The following CNPPD1 variants were observed in gnomAD, a reference collection of about 807,000 sequenced individuals.
The protein encoded by CNPPD1 is protein CNPPD1.
In CNPPD1, 40 loss-of-function variants were observed where a neutral mutation model predicts 43.7. The ratio of observed to expected loss-of-function variants is 0.92; its 90% confidence interval spans 0.71 to 1.19. CNPPD1 has a LOEUF of 1.19. Ranked by LOEUF, CNPPD1 falls within the 50% of genes most tolerant of loss-of-function variation. The pLI is 0.00. For missense variants in CNPPD1, 511 were observed against 518.5 expected (o/e 0.99, Z 0.14); for synonymous variants, 208 against 214.3 (o/e 0.97, Z 0.26).
intron 5 of CNPPD1, 33 bp downstream of exon 5, chr2:219,174,745 G>A (rs2106386984): frequency 1.3e-6 from 2 of 1,547,222 alleles, no homozygotes; most frequent in Non-Finnish European, 1.7e-6. Flanking sequence ...GATGGGCCAG[G>A]GAAACTGAGC....
Position 219,173,034 on chromosome 2 carries a change from A to G in CNPPD1, c.785T>C (p.Ile262Thr), listed in dbSNP as rs1043160. The G allele has an allele frequency of 0.58, 931,550 of 1,612,714 alleles. 276,417 individuals are homozygous for G. The highest frequency in any genetic ancestry group is 0.61 in the Non-Finnish European group (722,165 of 1,179,852). Residue 262 changes from isoleucine (I) to threonine (T), a missense_variant, in exon 8 of 8, where the codon ATC (isoleucine) becomes ACC (threonine). Coordinates refer to ENST00000360507, the MANE Select transcript of CNPPD1 (RefSeq NM_015680.6). Reference sequence around the variant, plus strand: ...AAGGTCAGGCGGCCCAGGTGTAGGGATGCAGGACAGCCCCAAAGACTGATG... The same window carrying G: ...AAGGTCAGGCGGCCCAGGTGTAGGGGTGCAGGACAGCCCCAAAGACTGATG... ...VIHQSLGLSC[I>T]PTPGPPDLGL...
Position 219,174,971 on chromosome 2 carries a change from G to A in CNPPD1, c.381+17C>T, listed in dbSNP as rs779954921. 3 of 1,614,166 alleles carry A rather than the reference G, an allele frequency of 1.9e-6. No individual in the cohort carries two copies. Among genetic ancestry groups the A allele is most frequent in the South Asian group, 2.2e-5 (2 of 91,080 alleles). ...AGGCTCTTGGCTCTTTAGGGAGATG[G>A]GGAGGGGGTGTCTTACCATGGAGAT... On this transcript the variant is annotated intron_variant, in intron 4 of 7. Coordinates refer to ENST00000360507, the MANE Select transcript of CNPPD1 (RefSeq NM_015680.6).
rs1026336989 is a variant in CNPPD1 at position 219,172,173 on chromosome 2, G to A, written c.*413C>T. The stretch of plus-strand genomic sequence containing the variant: ...CTCCCACCTGAACCCATCAGTCCCC[G>A]GCTCTTCTGCCTCAGGGACATCACA... On this transcript the variant is annotated 3_prime_UTR_variant, in exon 8 of 8. Transcript: ENST00000360507. The A allele has an allele frequency of 1.4e-4, 32 of 230,860 alleles. No individual in the cohort carries two copies. Among genetic ancestry groups the A allele is most frequent in the Non-Finnish European group, 1.3e-4 (15 of 115,926 alleles). 14.3% of individuals were successfully genotyped at this position (230,860 alleles called of 1,614,324 possible). A position where few individuals can be genotyped will look rare whatever the true frequency, so the allele number is the denominator to read the frequency against.
chr2:219,177,905 A>C (rs10193576), upstream of CNPPD1: 74,136 of 152,332 alleles, frequency 0.49, 19,602 homozygotes, highest in Non-Finnish European at 0.6. Context: ...TTGGTTGAGT[A>C]ATGGGACGGC....
Position 219,176,811 on chromosome 2 carries a change from G to A in CNPPD1, c.18C>T (p.Leu6=). 6.3e-7 allele frequency: 1 copy of A among 1,581,910 alleles called. No individual in the cohort carries two copies. The change falls in exon 1 of 8, where the codon CTC becomes CTT. Residue 6 remains leucine (L), a synonymous_variant. Coordinates refer to ENST00000360507, the MANE Select transcript of CNPPD1 (RefSeq NM_015680.6). ...AGAAGGTGCCTTCTTCGTCCAGCAG[G>A]AGCCCGGTCAGGTCCATCGCGCCGC... The part of the protein sequence containing the change: MDLTG[L]LLDEEGTFSL...
At chr2:219,173,888 A>C (rs1950116763) in intron 6 of CNPPD1, among the ~76,000 whole-genome samples, 1 of 152,088 alleles carries the variant, frequency 6.6e-6, no homozygotes, top group African/African-American at 2.4e-5. Flanking sequence ...GTAATCCTCC[A>C]GCCTCACCCT....
At chr2:219,177,925 T>A (rs1950203765), upstream of CNPPD1, 1 of 152,748 alleles carries the variant, frequency 6.5e-6, no homozygotes, top group Non-Finnish European at 1.5e-5. Context: ...CCACCGCCCT[T>A]CCCGAGCGAG....
At position 219,176,758 on chromosome 2, in the gene CNPPD1, A is replaced by AGG; in HGVS notation, c.69+1_69+2insCC. On this transcript the variant is annotated splice_donor_variant, in intron 1 of 7. Coordinates refer to ENST00000360507, the MANE Select transcript of CNPPD1 (RefSeq NM_015680.6). LOFTEE classifies it high-confidence loss of function. The stretch of plus-strand genomic sequence containing the variant: ...CGGGGAGGGGGCGGGACCCCCACTC[A>AGG]CCGTGAAGTCCTGGAAGCCGGCGAG... 6.4e-7 allele frequency: 1 copy of AGG among 1,572,784 alleles called. No homozygotes were observed. The highest frequency in any genetic ancestry group is 2.3e-5 in the East Asian group (1 of 42,566).
At chr2:219,177,097 C>T (rs1345418833), upstream of CNPPD1, 4 of 391,440 alleles carry the variant, frequency 1.0e-5, no homozygotes, top group African/African-American at 2.1e-5. Context: ...GTCCGTGCGA[C>T]GCTCACCTCG....
In CNPPD1 at chr2:219,172,594, G is replaced by A. The variant is rs1559213098; in HGVS notation, c.1225C>T (p.Pro409Ser). 3 of 1,614,178 alleles carry A rather than the reference G, an allele frequency of 1.9e-6. No individual in the cohort carries two copies. The highest frequency in any genetic ancestry group is 2.5e-6 in the Non-Finnish European group (3 of 1,180,032). Residue 409 changes from proline (P) to serine (S), a missense_variant, in exon 8 of 8, where the codon CCA (proline) becomes TCA (serine). Pro to Ser is a moderately conservative substitution (Grantham distance 74, BLOSUM62 -1). Coordinates refer to ENST00000360507, the MANE Select transcript of CNPPD1 (RefSeq NM_015680.6). ...ELARLKSFVF[P>S]G Reference sequence around the variant, plus strand: ...ATTCCTCACAGCCCTACCTAGCCTGGGAAAACGAAAGACTTGAGGCGAGCC... The same window carrying A: ...ATTCCTCACAGCCCTACCTAGCCTGAGAAAACGAAAGACTTGAGGCGAGCC...
rs935859894 is a variant in CNPPD1 at position 219,176,743 on chromosome 2, G to A, written c.69+17C>T. ...GGCGCGCCGGGAGGCCGGGGAGGGG[G>A]CGGGACCCCCACTCACCGTGAAGTC... is the stretch of plus-strand genomic sequence containing the variant. On this transcript the variant is annotated intron_variant, in intron 1 of 7. Coordinates refer to ENST00000360507, the MANE Select transcript of CNPPD1 (RefSeq NM_015680.6). The A allele has an allele frequency of 9.0e-6, 14 of 1,555,456 alleles. No homozygotes were observed. The highest frequency in any genetic ancestry group is 1.9e-5 in the Admixed American group (1 of 52,554).
In CNPPD1 at chr2:219,176,231, G is replaced by A. The variant is rs201580205; in HGVS notation, c.170C>T (p.Pro57Leu). 5 of 1,612,188 alleles carry A rather than the reference G, an allele frequency of 3.1e-6. No homozygotes were observed. The highest frequency in any genetic ancestry group is 2.2e-5 in the East Asian group (1 of 44,860). The change falls in exon 2 of 8, where the codon CCG (proline) becomes CTG (leucine). Residue 57 changes from proline (P) to leucine (L), a missense_variant. Pro to Leu is a moderately conservative substitution (Grantham distance 98). Transcript: ENST00000360507. ...ACACAACACTGCCTAACCTGCCACC[G>A]GGCTGGAGAGCTCCTCCAGGCTACA... ...ADCSLEELSS[P>L]VADIAVELLQ...
chr2:219,176,953 G>A (rs923246490), upstream of CNPPD1: 10 of 726,512 alleles, frequency 1.4e-5, no homozygotes, highest in African/African-American at 1.1e-4. Context: ...CGCCGTCCTC[G>A]CCCTCGCCCT....
At chr2:219,175,380 C>T (rs577733888) in intron 3 of CNPPD1, among the ~76,000 whole-genome samples, 72 of 151,898 alleles carry the variant, frequency 4.7e-4, no homozygotes, top group African/African-American at 1.6e-3. Context: ...GCCTGTAGTC[C>T]CAGCTACTGG....
At position 219,173,745 on chromosome 2, in the gene CNPPD1, T is replaced by C. The variant is rs185406241; in HGVS notation, c.573-278A>G. 4.5e-3 allele frequency among the ~76,000 whole-genome samples: 678 copies of C among 152,322 alleles called. 7 individuals are homozygous for C. Among genetic ancestry groups the C allele is most frequent in the Non-Finnish European group, 5.3e-3 (359 of 68,022 alleles). ...GCAGACTCAACATCCTGGACTCAAA[T>C]GATCCTCTTGTCTCAGCCTCCTGAG... is the stretch of plus-strand genomic sequence containing the variant. On this transcript the variant is annotated intron_variant, in intron 6 of 7. Transcript: ENST00000360507.
intron 6 of CNPPD1, 65 bp from the exon 7 acceptor site, chr2:219,173,532 A>G (rs1950110563): frequency 2.1e-6 from 3 of 1,432,372 alleles, no homozygotes; most frequent in Non-Finnish European, 2.9e-6. Flanking sequence ...TGGCACCCTC[A>G]TACCACTCAG....
chr2:219,175,696 G>C, intron 2 of CNPPD1, 24 bp from the exon 3 acceptor site: 1 of 1,609,604 alleles, frequency 6.2e-7, no homozygotes, highest in Non-Finnish European at 8.5e-7. Context: ...AAGGAAGGCC[G>C]AGTGAGCAAA....
chr2:219,173,047 C>T lies in CNPPD1; in HGVS notation c.772G>A (p.Gly258Arg). The change falls in exon 8 of 8, where the codon GGG becomes AGG. Residue 258 changes from glycine to arginine, a missense_variant. Physicochemically the swap from Gly to Arg is moderately radical, Grantham distance 125. Transcript: ENST00000360507. The stretch of plus-strand genomic sequence containing the variant: ...CCAGGTGTAGGGATGCAGGACAGCC[C>T]CAAAGACTGATGTATTACGGCCACC... ...ASVAVIHQSL[G>R]LSCIPTPGPP... 1 of 1,612,228 alleles carries T rather than the reference C, an allele frequency of 6.2e-7. No individual in the cohort carries two copies. Among genetic ancestry groups the T allele is most frequent in the African/African-American group, 1.3e-5 (1 of 74,980 alleles).
chr2:219,173,922 A>G (rs1316374434), intron 6 of CNPPD1, among the ~76,000 whole-genome samples: 1 of 152,182 alleles, frequency 6.6e-6, no homozygotes, highest in African/African-American at 2.4e-5. Context: ...GATTATAGAC[A>G]TAACTACCAT....
Sources: gnomAD v4.1 joint callset for allele counts (sites outside exome capture counted in the v4.1 genomes callset) on GRCh38, gnomAD v4.1.1 for gene constraint, MANE v1.5 for transcripts, NCBI Gene and HGNC (gene_info 2026-07-23, HGNC 2026-07-21) for gene names.